Variants in DPH1 observed in about 807,000 individuals in gnomAD.
DPH1 encodes the protein 2-(3-amino-3-carboxypropyl)histidine synthase subunit 1.
DPH1 carries 59 observed loss-of-function variants against 55.3 expected under a neutral mutation model. That is an observed-to-expected ratio of 1.07 (90% CI 0.87 to 1.33). The LOEUF (loss-of-function observed/expected upper bound fraction) is 1.33, where lower values mean the gene tolerates loss of function less well. DPH1 is among the 40% of genes most tolerant of loss of function. The pLI, the probability that DPH1 is intolerant of heterozygous loss-of-function variation, is 0.00. For missense variants in DPH1, 628 were observed against 584.8 expected (o/e 1.07, Z -0.76); for synonymous variants, 238 against 235.5 (o/e 1.01, Z -0.10).
intron 9 of DPH1, 119 bp downstream of exon 9, chr17:2,040,724 A>T: frequency 8.4e-7 from 1 of 1,187,302 alleles, no homozygotes; most frequent in African/African-American, 1.5e-5. Flanking sequence ...TTTACTGTTT[A>T]CAGAGACCTC....
chr17:2,040,174 C>T (rs1241614415), intron 7 of DPH1, 44 bp from the exon 8 acceptor site: 1 of 1,608,602 alleles, frequency 6.2e-7, no homozygotes, highest in Non-Finnish European at 8.5e-7. Context: ...TAATACTGGT[C>T]CTGACAGTGG....
chr17:2,036,160 C>T lies in DPH1; in HGVS notation c.400+69C>T, dbSNP rs1306435757. 3 of 1,588,140 alleles carry T rather than the reference C, an allele frequency of 1.9e-6. No homozygotes were observed. The highest frequency in any genetic ancestry group is 1.3e-5 in the African/African-American group (1 of 74,602). On this transcript the variant is annotated intron_variant, in intron 4 of 12. Coordinates refer to ENST00000263083, the MANE Select transcript of DPH1 (RefSeq NM_001383.6). The surrounding 1 kb of genome is among the most constrained non-coding windows in gnomAD (Gnocchi z 4.8). ...GGAGGCAGGCTGCACATTCATCTTC[C>T]CCATGGCAGTGCCTTCTTGTCCTGC... is the stretch of plus-strand genomic sequence containing the variant.
In DPH1 at chr17:2,040,617, CCTGGCTATGA is replaced by C. The variant is rs1375572223; in HGVS notation, c.1007+20_1007+29del. 5.0e-6 allele frequency: 8 copies of C among 1,613,014 alleles called. No individual in the cohort carries two copies. Among genetic ancestry groups the C allele is most frequent in the African/African-American group, 1.3e-5 (1 of 74,906 alleles). ...CCTGAGGTGGATGTGTGAGTATCTG[CCTGGCTATGA>C]CTGGCTAAAGAAGCTTAGAAGCTGG... On this transcript the variant is annotated intron_variant, in intron 9 of 12. Transcript: ENST00000263083.
Position 2,042,910 on chromosome 17 carries a change from C to G in DPH1, c.*324C>G. 1.9e-6 allele frequency: 3 copies of G among 1,614,204 alleles called. No homozygotes were observed. The highest frequency in any genetic ancestry group is 1.3e-5 in the African/African-American group (1 of 75,062). On this transcript the variant is annotated 3_prime_UTR_variant, in exon 13 of 13. Coordinates refer to ENST00000263083, the MANE Select transcript of DPH1 (RefSeq NM_001383.6). ...CATTGGGTTCAAGGAATCCATCCTG[C>G]AAAGGCCCTTGTCATTGCCTTCGCT...
At chr17:2,035,430 A>AGGGGGCCCTGCCTGTGGTGGGGGGGGGGT (rs1567543864) in intron 3 of DPH1, among the ~76,000 whole-genome samples, 1 of 36,032 alleles carries the variant, frequency 2.8e-5, no homozygotes, top group Non-Finnish European at 7.0e-5. Flanking sequence ...GGTCCGGACG[A>AGGGGGCCCTGCCTGTGGTGGGGGGGGGGT]GAGGGCCCTG....
rs755129848 is a variant in DPH1, at chr17:2,042,672, C to T, written c.*86C>T. 3.5e-5 allele frequency: 53 copies of T among 1,524,586 alleles called. No individual in the cohort carries two copies. In the East Asian group the frequency reaches 7.7e-4, roughly 22 times the overall value. 94.4% of individuals were successfully genotyped at this position (1,524,586 alleles called of 1,614,324 possible). On this transcript the variant is annotated 3_prime_UTR_variant, in exon 13 of 13. Coordinates refer to ENST00000263083, the MANE Select transcript of DPH1 (RefSeq NM_001383.6). ...CAGAGCAGGAGGCCGACGTTTTCTC[C>T]GCATTGGAAGAGCCCGCCGTCTGCA...
intron 12 of DPH1, 119 bp downstream of exon 12, chr17:2,041,994 T>G: frequency 6.7e-7 from 1 of 1,489,692 alleles, no homozygotes; most frequent in Middle Eastern, 2.4e-4. Flanking sequence ...TGCATTGTGC[T>G]TCCGCTCGGG....
chr17:2,039,672 C>T (rs555987610), intron 6 of DPH1, 83 bp from the exon 7 acceptor site: 23 of 1,574,138 alleles, frequency 1.5e-5, no homozygotes, highest in African/African-American at 5.4e-5. Context: ...CCACCGCGCC[C>T]GGCCAGCCCT....
chr17:2,037,739 C>CT (rs1000261966), intron 6 of DPH1, among the ~76,000 whole-genome samples: 1 of 152,234 alleles, frequency 6.6e-6, no homozygotes, highest in Non-Finnish European at 1.5e-5. Flanking sequence ...GGCAGGTTAT[C>CT]TTCCACGCTC....
chr17:2,032,219 G>T (rs975143629), intron 1 of DPH1, among the ~76,000 whole-genome samples: 4 of 152,194 alleles, frequency 2.6e-5, no homozygotes, highest in African/African-American at 9.6e-5. Flanking sequence ...AGGTGGGAGA[G>T]GGGGGACATT....
chr17:2,033,753 C>G, intron 2 of DPH1, 26 bp from the exon 3 acceptor site: 1 of 1,613,970 alleles, frequency 6.2e-7, no homozygotes, highest in East Asian at 2.2e-5. Flanking sequence ...AGCCCTCCAC[C>G]TCTCATGTCT....
intron 6 of DPH1, among the ~76,000 whole-genome samples, chr17:2,037,814 G>C (rs1482632034): frequency 6.6e-6 from 1 of 152,242 alleles, no homozygotes; most frequent in Admixed American, 6.5e-5. Flanking sequence ...ACTTGGTACA[G>C]CCTGGGTTGA....
chr17:2,039,371 CTTCT>C (rs749649982), intron 6 of DPH1: 3 of 166,620 alleles, frequency 1.8e-5, no homozygotes, highest in African/African-American at 2.5e-5. Flanking sequence ...GCCCTGTGGA[CTTCT>C]TTTTTTTTTT....
At chr17:2,040,061 A>G (rs2067490142) in intron 7 of DPH1, among the ~76,000 whole-genome samples, 157 bp from the exon 8 acceptor site, 1 of 152,208 alleles carries the variant, frequency 6.6e-6, no homozygotes, top group Non-Finnish European at 1.5e-5. Context: ...GCTGTGGGAC[A>G]GGTCTTCCTA....
Position 2,041,867 on chromosome 17 carries a change from G to T in DPH1, c.*10G>T. On this transcript the variant is annotated 3_prime_UTR_variant, in exon 12 of 13. Transcript: ENST00000263083. ...GCCGCTGGCTCCTTGACGCGCTCCCGGGCCTCAGGTATCAGCCCCCGCTCT... is the reference window on the plus strand; with the variant it reads ...GCCGCTGGCTCCTTGACGCGCTCCCTGGCCTCAGGTATCAGCCCCCGCTCT... The T allele has an allele frequency of 6.3e-7, 1 of 1,583,810 alleles. No homozygotes were observed. The highest frequency in any genetic ancestry group is 2.3e-5 in the East Asian group (1 of 43,576).
intron 1 of DPH1, among the ~76,000 whole-genome samples, chr17:2,031,154 C>T (rs554770608): frequency 2.0e-5 from 3 of 152,314 alleles, no homozygotes; most frequent in African/African-American, 7.2e-5. Context: ...GGCATAGTGG[C>T]TTACACCTTT....
At chr17:2,041,379 G>A in intron 10 of DPH1, 102 bp from the exon 11 acceptor site, 1 of 1,513,056 alleles carries the variant, frequency 6.6e-7, no homozygotes, top group African/African-American at 1.4e-5. Context: ...TCTGTGGCAG[G>A]GGACAGTGTG....
At chr17:2,038,238 T>C (rs1051763842) in intron 6 of DPH1, among the ~76,000 whole-genome samples, 8 of 149,586 alleles carry the variant, frequency 5.3e-5, no homozygotes, top group Non-Finnish European at 7.4e-5. Flanking sequence ...GGTGAGAGGA[T>C]CGCTTGAGCC....
In DPH1 at chr17:2,041,600, G is replaced by A. The variant is rs1190391709; in HGVS notation, c.1206G>A (p.Pro402=). The A allele has an allele frequency of 1.9e-6, 3 of 1,607,330 alleles. No individual in the cohort carries two copies. Among genetic ancestry groups the A allele is most frequent in the South Asian group, 2.2e-5 (2 of 90,762 alleles). ...NHGQDRRPHA[P]GRPARGKVQE... is the part of the protein sequence containing the mutation. ...GCCAGGACCGCCGTCCCCACGCCCC[G>A]GGCCGGCCCGCGCGGGGGAAGGTAG... is the stretch of plus-strand genomic sequence containing the variant. Residue 402 remains proline, a synonymous_variant, in exon 11 of 13, where the codon CCG becomes CCA. Transcript: ENST00000263083.
Sources: gnomAD v4.1 joint callset for allele counts (sites outside exome capture counted in the v4.1 genomes callset) on GRCh38, gnomAD v4.1.1 for gene constraint, Gnocchi (gnomAD v3.1) non-coding constraint, MANE v1.5 for transcripts, NCBI Gene and HGNC (gene_info 2026-07-23, HGNC 2026-07-21) for gene names.